The following DGKB variants were observed in gnomAD, a reference collection of about 807,000 sequenced individuals.
DGKB encodes the protein 90 kDa diacylglycerol kinase.
DGKB carries 67 observed loss-of-function variants against 114.3 expected under a neutral mutation model. The observed-to-expected ratio is 0.59, with a 90% CI of 0.48 to 0.72. The LOEUF (loss-of-function observed/expected upper bound fraction) is 0.72. Ranked by LOEUF, DGKB falls within the 30% of genes least tolerant of loss-of-function variation. DGKB has a pLI of 0.00. For synonymous variants in DGKB, 398 were observed against 323.1 expected, an observed-to-expected ratio of 1.23 and a Z score of -2.49; for missense variants, 907 against 975.2, an observed-to-expected ratio of 0.93 and a Z score of 0.93.
chr7:14,553,720 A>T (rs111742926), intron 20 of DGKB, among the ~76,000 whole-genome samples: 61 of 152,286 alleles, frequency 4.0e-4, no homozygotes, highest in African/African-American at 1.3e-3. Flanking sequence ...AAGATTACCC[A>T]CAGTCCCACC....
At chr7:14,577,514 G>A (rs1277220537) in intron 19 of DGKB, among the ~76,000 whole-genome samples, 2 of 152,168 alleles carry the variant, frequency 1.3e-5, no homozygotes, top group Non-Finnish European at 2.9e-5. Flanking sequence ...CTACTCGGGA[G>A]GCTGAGGCAG....
At position 14,592,886 on chromosome 7, in the gene DGKB, A is replaced by C. The variant is rs955995295; in HGVS notation, c.1434-9749T>G. Among the ~76,000 whole-genome samples the C allele has an allele frequency of 2.0e-5, 3 of 151,964 alleles. No homozygotes were observed. The South Asian group carries it at 6.2e-4, about 31-fold the overall frequency. ...ATCTTATGTACTTTAGTTCAACAATACATTATAAAATTTAGTTAAACTAGG... is the reference window on the plus strand; with the variant it reads ...ATCTTATGTACTTTAGTTCAACAATCCATTATAAAATTTAGTTAAACTAGG... On this transcript the variant is annotated intron_variant, in intron 17 of 25. Coordinates refer to ENST00000402815, the MANE Select transcript of DGKB (RefSeq NM_001350709.2).
At chr7:14,533,031 TAACGA>T (rs1014499404) in intron 20 of DGKB, among the ~76,000 whole-genome samples, 1 of 151,738 alleles carries the variant, frequency 6.6e-6, no homozygotes, top group Non-Finnish European at 1.5e-5. Context: ...TAACCAACTC[TAACGA>T]AATGAAAGTC....
intron 4 of DGKB, among the ~76,000 whole-genome samples, chr7:14,747,775 G>GCGCGCGTGCGCGCGCGCGCACACA: frequency 5.4e-5 from 8 of 149,278 alleles, no homozygotes; most frequent in African/African-American, 1.8e-4. Flanking sequence ...ACATCCACGC[G>GCGCGCGTGCGCGCGCGCGCACACA]CACGCACACA....
intron 21 of DGKB, among the ~76,000 whole-genome samples, chr7:14,389,772 C>T (rs1387484342): frequency 2.0e-5 from 3 of 152,160 alleles, no homozygotes; most frequent in Non-Finnish European, 4.4e-5. Flanking sequence ...TATTTCTAGT[C>T]AGCCTTCTGG....
intron 1 of DGKB, among the ~76,000 whole-genome samples, chr7:14,890,034 T>G (rs1587226871): frequency 6.6e-6 from 1 of 151,672 alleles, no homozygotes; most frequent in African/African-American, 2.4e-5. Flanking sequence ...TGTCAGAATT[T>G]ACCTAATCAT....
upstream of DGKB, chr7:14,903,227 GTGTGT>G (rs1218040242): frequency 6.5e-6 from 1 of 152,760 alleles, no homozygotes; most frequent in Non-Finnish European, 1.4e-5. Context: ...GTGTGTGTGT[GTGTGT>G]GTGTGTGTGT....
chr7:14,892,862 A>ATGTGTGTGTG (rs200803365), intron 1 of DGKB, among the ~76,000 whole-genome samples: 3 of 76,248 alleles, frequency 3.9e-5, no homozygotes, highest in Non-Finnish European at 4.7e-5. Context: ...CCATATATAT[A>ATGTGTGTGTG]TATGTGTGTG....
At chr7:14,635,083 A>G (rs1020355925) in intron 13 of DGKB, among the ~76,000 whole-genome samples, 2 of 151,554 alleles carry the variant, frequency 1.3e-5, no homozygotes, top group African/African-American at 4.8e-5. Flanking sequence ...TAAAAGCTAC[A>G]CATATTGTAA....
At chr7:14,268,884 T>A (rs1354128240) in intron 23 of DGKB, 1 of 152,218 alleles carries the variant, frequency 6.6e-6, no homozygotes, top group Non-Finnish European at 1.5e-5. Context: ...TTATCTATTG[T>A]GAATAATAAG....
intron 2 of DGKB, among the ~76,000 whole-genome samples, chr7:14,828,358 G>GA (rs543536299): frequency 3.2e-4 from 49 of 151,734 alleles, no homozygotes; most frequent in Non-Finnish European, 5.9e-4. Context: ...TGACAACCAA[G>GA]AAAAAAAATG....
chr7:14,963,134 T>C (rs974897804), intron 1 of DGKB, among the ~76,000 whole-genome samples: 3 of 152,132 alleles, frequency 2.0e-5, no homozygotes, highest in African/African-American at 7.2e-5. Flanking sequence ...GCTTATCCCA[T>C]AACCCCAGCT....
chr7:14,646,806 C>A (rs545199500), intron 13 of DGKB, among the ~76,000 whole-genome samples: 2 of 151,704 alleles, frequency 1.3e-5, no homozygotes, highest in East Asian at 3.9e-4. Context: ...AATAGAAATA[C>A]CTATGGGATA....
At chr7:14,303,564 G>A (rs1803929993) in intron 23 of DGKB, among the ~76,000 whole-genome samples, 1 of 150,804 alleles carries the variant, frequency 6.6e-6, no homozygotes, top group African/African-American at 2.4e-5. Flanking sequence ...TTACTCTTTG[G>A]TGTTTCTTTG....
chr7:14,457,034 G>C (rs1328531714), intron 21 of DGKB, among the ~76,000 whole-genome samples: 1 of 152,100 alleles, frequency 6.6e-6, no homozygotes, highest in Non-Finnish European at 1.5e-5. Flanking sequence ...TCATAAAGTA[G>C]AAATGACAGC....
intron 13 of DGKB, among the ~76,000 whole-genome samples, chr7:14,644,863 A>G (rs1563772083): frequency 6.6e-6 from 1 of 152,180 alleles, no homozygotes; most frequent in Non-Finnish European, 1.5e-5. Flanking sequence ...TAATCCTCAA[A>G]TAGACTTAAA....
intron 21 of DGKB, among the ~76,000 whole-genome samples, chr7:14,391,565 C>T (rs1470298675): frequency 6.6e-6 from 1 of 151,496 alleles, no homozygotes; most frequent in Non-Finnish European, 1.5e-5. Flanking sequence ...GTGGCAGATG[C>T]CTATAGTCCC....
At chr7:14,465,341 G>C (rs1018633503) in intron 21 of DGKB, among the ~76,000 whole-genome samples, 5 of 152,088 alleles carry the variant, frequency 3.3e-5, no homozygotes, top group African/African-American at 1.2e-4. Context: ...AAACATAAGA[G>C]TCTGCAGGTA....
chr7:14,682,511 G>T, intron 12 of DGKB, 42 bp downstream of exon 12: 1 of 1,337,112 alleles, frequency 7.5e-7, no homozygotes, highest in South Asian at 1.2e-5. Context: ...CACGTCTTCA[G>T]TGTGGGTGAA....
Sources: gnomAD v4.1 joint callset for allele counts (sites outside exome capture counted in the v4.1 genomes callset) on GRCh38, gnomAD v4.1.1 for gene constraint, MANE v1.5 for transcripts, NCBI Gene and HGNC (gene_info 2026-07-23, HGNC 2026-07-21) for gene names.